Variants in CCDC116 observed in about 807,000 individuals in gnomAD.
CCDC116 encodes the protein coiled-coil domain containing 116.
In CCDC116, 24 loss-of-function variants were observed where a neutral mutation model predicts 29.4. That is an observed-to-expected ratio of 0.82 (90% CI 0.59 to 1.15). The LOEUF (loss-of-function observed/expected upper bound fraction) is 1.15, where lower values mean the gene tolerates loss of function less well. Among genes scored for constraint, CCDC116 ranks in the 50% most tolerant of loss-of-function variants. The pLI, the probability that CCDC116 is intolerant of heterozygous loss-of-function variation, is 0.00. For missense variants in CCDC116, 791 were observed against 804.0 expected, an observed-to-expected ratio of 0.98 and a Z score of 0.20; for synonymous variants, 298 against 331.4, an observed-to-expected ratio of 0.90 and a Z score of 1.10.
chr22:21,636,240 C>T (rs896051631), intron 4 of CCDC116, among the ~76,000 whole-genome samples, 192 bp from the exon 5 acceptor site: 4 of 152,202 alleles, frequency 2.6e-5, no homozygotes, highest in African/African-American at 9.7e-5. Context: ...AGTGCAACAG[C>T]ATAGCAGGTG....
chr22:21,633,071 A>G (rs1317329132), intron 1 of CCDC116, 49 bp from the exon 2 acceptor site: 1 of 842,878 alleles, frequency 1.2e-6, no homozygotes, highest in South Asian at 1.4e-5. Context: ...AGGGCCACAG[A>G]TGCGTGGACC....
At position 21,635,079 on chromosome 22, in the gene CCDC116, G is replaced by T. The variant is rs1402664352; in HGVS notation, c.1016G>T (p.Ser339Ile). Residue 339 changes from serine to isoleucine, a missense_variant, in exon 4 of 5, where the codon AGC becomes ATC. Transcript: ENST00000292779. Reference protein sequence around the residue: ...CRDGRPLFPTSLEPTSDLPPL... With the variant: ...CRDGRPLFPTILEPTSDLPPL... ...GACGGCCGTCCTCTGTTCCCCACCA[G>T]CTTGGAGCCCACCTCAGATCTGCCG... 1.9e-6 allele frequency: 3 copies of T among 1,608,860 alleles called. No individual in the cohort carries two copies. The highest frequency in any genetic ancestry group is 2.5e-6 in the Non-Finnish European group (3 of 1,179,990).
At chr22:21,634,608 C>G (rs755949645) in intron 3 of CCDC116, 38 bp downstream of exon 3, 2 of 1,572,864 alleles carry the variant, frequency 1.3e-6, no homozygotes, top group Admixed American at 3.5e-5. Flanking sequence ...GGTGGACTCC[C>G]ATGGAGAGCC....
chr22:21,635,974 G>A (rs1930784735), intron 4 of CCDC116, among the ~76,000 whole-genome samples: 1 of 152,226 alleles, frequency 6.6e-6, no homozygotes, highest in African/African-American at 2.4e-5. Context: ...TTTGCTGAGG[G>A]GAAGTTGCCC....
At position 21,637,062 on chromosome 22, in the gene CCDC116, G is replaced by A. The variant is rs775996084; in HGVS notation, c.1834G>A (p.Gly612Arg). 1.9e-6 allele frequency: 3 copies of A among 1,610,304 alleles called. No individual in the cohort carries two copies. Among genetic ancestry groups the A allele is most frequent in the Non-Finnish European group, 2.5e-6 (3 of 1,178,504 alleles). The change falls in exon 5 of 5, where the codon GGA becomes AGA. Residue 612 changes from glycine (G) to arginine (R), a missense_variant. Physicochemically the swap from Gly to Arg is moderately radical, Grantham distance 125. Transcript: ENST00000292779. The stretch of plus-strand genomic sequence containing the variant: ...CCAGGATGAGGACAAGGATGAGGAT[G>A]GAGTCTAGAGCCTCCCAGAGCCTGG... ...EDQDEDKDEDGV is the reference protein window; with the variant it reads ...EDQDEDKDEDRV
chr22:21,634,427 T>A lies in CCDC116; in HGVS notation c.478T>A (p.Cys160Ser). Reference sequence around the variant, plus strand: ...ATCCAGCTCCAGCTCCATGTCCAACTGCCATAGCAGCCTCATGGCCGGCTG... The same window carrying A: ...ATCCAGCTCCAGCTCCATGTCCAACAGCCATAGCAGCCTCATGGCCGGCTG... ...YPSSSSSMSN[C>S]HSSLMAGCLG... The change falls in exon 3 of 5, where the codon TGC becomes AGC. Residue 160 changes from cysteine to serine, a missense_variant. Coordinates refer to ENST00000292779, the MANE Select transcript of CCDC116 (RefSeq NM_152612.3). The A allele has an allele frequency of 6.2e-7, 1 of 1,614,172 alleles. No homozygotes were observed. The highest frequency in any genetic ancestry group is 1.1e-5 in the South Asian group (1 of 91,084).
rs560840505 is a variant in CCDC116, at chr22:21,635,202, G to A, written c.1139G>A (p.Arg380His). ...VSSPKMLQRK[R>H]KDRGGSPSMS... The stretch of plus-strand genomic sequence containing the variant: ...AGCCCCAAGATGCTTCAGAGAAAAC[G>A]CAAGGACAGAGGAGGCTCCCCCTCC... The change falls in exon 4 of 5, where the codon CGC becomes CAC. Residue 380 changes from arginine to histidine, a missense_variant. Physicochemically the swap from Arg to His is conservative, Grantham distance 29. Coordinates refer to ENST00000292779, the MANE Select transcript of CCDC116 (RefSeq NM_152612.3). The A allele has an allele frequency of 2.1e-5, 34 of 1,600,172 alleles. No homozygotes were observed. In the East Asian group the frequency reaches 3.3e-4, roughly 16 times the overall value.
At position 21,637,009 on chromosome 22, in the gene CCDC116, A is replaced by C; in HGVS notation, c.1781A>C (p.Glu594Ala). 1.9e-6 allele frequency: 3 copies of C among 1,613,560 alleles called. No individual in the cohort carries two copies. Among genetic ancestry groups the C allele is most frequent in the Non-Finnish European group, 2.5e-6 (3 of 1,180,042 alleles). ...CGTGATAAAGCCGAGATTGAAGATG[A>C]AGATGAGGATGAGTTCAAGGATGAA... ...EGRDKAEIED[E>A]DEDEFKDEDQ... is the part of the protein sequence containing the mutation. Residue 594 changes from glutamate (E) to alanine (A), a missense_variant, in exon 5 of 5, where the codon GAA becomes GCA. By Grantham distance (107) the Glu-to-Ala change is moderately radical. Coordinates refer to ENST00000292779, the MANE Select transcript of CCDC116 (RefSeq NM_152612.3).
In CCDC116 at chr22:21,636,294, T is replaced by G. The variant is rs560664056; in HGVS notation, c.1204-138T>G. ...CGTGTGGCAAATGTGTTTGTCACAC[T>G]AAGGGTACCCATTCATGTTTGTGAT... On this transcript the variant is annotated intron_variant, in intron 4 of 4. Transcript: ENST00000292779. 2,400 of 722,526 alleles carry G rather than the reference T, an allele frequency of 3.3e-3. 7 individuals are homozygous for G. The highest frequency in any genetic ancestry group is 4.3e-3 in the Non-Finnish European group (1,891 of 440,984). 44.8% of individuals were successfully genotyped at this position (722,526 alleles called of 1,614,324 possible).
At position 21,637,277 on chromosome 22, in the gene CCDC116, AAGAAAT is replaced by A; in HGVS notation, c.*215_*220del. 1.8e-6 allele frequency: 1 copy of A among 570,888 alleles called. No homozygotes were observed. Among genetic ancestry groups the A allele is most frequent in the Non-Finnish European group, 2.8e-6 (1 of 359,494 alleles). The allele number at this position is 570,888 out of a possible 1,614,324, so 35.4% of individuals were successfully genotyped here. Reference sequence around the variant, plus strand: ...CTGAGACTCTCAAGGGAGCCAGTGAAAGAAATAGAAATAAAGCCTGTGTTGCTGGGA... The same window carrying A: ...CTGAGACTCTCAAGGGAGCCAGTGAAAGAAATAAAGCCTGTGTTGCTGGGA... On this transcript the variant is annotated 3_prime_UTR_variant, in exon 5 of 5. Transcript: ENST00000292779.
At chr22:21,635,332 C>T (rs2236642) in intron 4 of CCDC116, 66 bp downstream of exon 4, 48,297 of 1,362,464 alleles carry the variant, frequency 0.035, 1,836 homozygotes, top group East Asian at 0.14. Flanking sequence ...AGGCACCTGA[C>T]TCAGATCCCA....
Position 21,635,159 on chromosome 22 carries a change from C to T in CCDC116, c.1096C>T (p.Pro366Ser), listed in dbSNP as rs1930741066. The change falls in exon 4 of 5, where the codon CCC becomes TCC. Residue 366 changes from proline (P) to serine (S), a missense_variant. Coordinates refer to ENST00000292779, the MANE Select transcript of CCDC116 (RefSeq NM_152612.3). ...CAATGGCGGGCAGCCCTATGCTTCCCCCCGCCCCACAGTCTCCAGCCCCAA... is the reference window on the plus strand; with the variant it reads ...CAATGGCGGGCAGCCCTATGCTTCCTCCCGCCCCACAGTCTCCAGCCCCAA... ...PTNGGQPYAS[P>S]RPTVSSPKML... 1 of 1,601,850 alleles carries T rather than the reference C, an allele frequency of 6.2e-7. No individual in the cohort carries two copies. Among genetic ancestry groups the T allele is most frequent in the African/African-American group, 1.3e-5 (1 of 75,056 alleles).
In CCDC116 at chr22:21,634,276, G is replaced by T. The variant is rs1448826958; in HGVS notation, c.327G>T (p.Val109=). Reference sequence around the variant, plus strand: ...AGACGGAGGCTGGGGTGCCGCTTGTGGAGGTGCAGGACCCAGTGGAGGTGC... The same window carrying T: ...AGACGGAGGCTGGGGTGCCGCTTGTTGAGGTGCAGGACCCAGTGGAGGTGC... ...AMKTEAGVPL[V]EVQDPVEVPS... Residue 109 remains valine (V), a synonymous_variant, in exon 3 of 5, where the codon GTG becomes GTT. Transcript: ENST00000292779. 6.2e-7 allele frequency: 1 copy of T among 1,613,812 alleles called. No homozygotes were observed. The highest frequency in any genetic ancestry group is 8.5e-7 in the Non-Finnish European group (1 of 1,180,002).
chr22:21,635,893 C>CG (rs1930782189), intron 4 of CCDC116: 1 of 467,374 alleles, frequency 2.1e-6, no homozygotes, highest in East Asian at 3.9e-5. Context: ...CAAGCCCAGC[C>CG]GGGGCCTTGC....
intron 4 of CCDC116, 85 bp from the exon 5 acceptor site, chr22:21,636,347 G>A (rs976080535): frequency 2.3e-6 from 3 of 1,289,552 alleles, no homozygotes; most frequent in African/African-American, 1.5e-5. Context: ...CTCTGAGGAG[G>A]GCACAGTGGC....
intron 1 of CCDC116, 60 bp from the exon 2 acceptor site, chr22:21,633,060 C>G: frequency 1.2e-6 from 1 of 800,262 alleles, no homozygotes; most frequent in Non-Finnish European, 2.2e-6. Context: ...CCGCAGACTC[C>G]AGGGCCACAG....
At chr22:21,632,896 G>A (rs1373598269) in intron 1 of CCDC116, 69 bp downstream of exon 1, 1 of 573,170 alleles carries the variant, frequency 1.7e-6, no homozygotes, top group Admixed American at 2.5e-5. Context: ...GGCGGGTCGA[G>A]CACACGCAGA....
At position 21,633,163 on chromosome 22, in the gene CCDC116, T is replaced by G. The variant is rs1601460187; in HGVS notation, c.-19T>G. The G allele has an allele frequency of 3.9e-6, 6 of 1,548,520 alleles. No individual in the cohort carries two copies. Among genetic ancestry groups the G allele is most frequent in the Non-Finnish European group, 5.2e-6 (6 of 1,145,156 alleles). ...AGAGAGAGGTGGGCAGCAGGCCCGG[T>G]CACCTGCCAGGTGACCACATGGCCA... On this transcript the variant is annotated 5_prime_UTR_variant, in exon 2 of 5. Transcript: ENST00000292779.
At chr22:21,633,355 T>G (rs1055348685) in intron 2 of CCDC116, 102 bp downstream of exon 2, 2 of 904,922 alleles carry the variant, frequency 2.2e-6, no homozygotes, top group Non-Finnish European at 3.3e-6. Context: ...GTCTATTGAC[T>G]TCTCTGGGCC....
Sources: allele counts gnomAD v4.1 joint callset (sites outside exome capture counted in the v4.1 genomes callset), GRCh38; gene constraint gnomAD v4.1.1; transcripts MANE v1.5; gene names NCBI Gene and HGNC (gene_info 2026-07-23, HGNC 2026-07-21).